The following RAB20 variants were observed in gnomAD, a reference collection of about 807,000 sequenced individuals.
The protein encoded by RAB20 is ras-related protein Rab-20.
RAB20 carries 2 observed loss-of-function variants against 3.7 expected under a neutral mutation model. The observed-to-expected ratio is 0.54, with a 90% CI of 0.22 to 1.69. The LOEUF (loss-of-function observed/expected upper bound fraction) is 1.69, where lower values mean the gene tolerates loss of function less well. Ranked by LOEUF, RAB20 falls within the 40% of genes most tolerant of loss-of-function variation. The pLI is 0.19. For synonymous variants in RAB20, 126 were observed against 130.8 expected (o/e 0.96, Z 0.25); for missense variants, 276 against 311.9 (o/e 0.88, Z 0.87).
intron 1 of RAB20, among the ~76,000 whole-genome samples, chr13:110,539,950 T>C (rs1035477412): frequency 6.6e-6 from 1 of 152,212 alleles, no homozygotes; most frequent in Non-Finnish European, 1.5e-5. Context: ...AAAGCAAGTG[T>C]CATACGCCAC....
intron 1 of RAB20, among the ~76,000 whole-genome samples, chr13:110,559,916 C>A (rs1280955573): frequency 6.6e-6 from 1 of 152,170 alleles, no homozygotes; most frequent in African/African-American, 2.4e-5. Flanking sequence ...GTGGCCACTA[C>A]AGGGGTTTCG....
chr13:110,554,440 C>T (rs1222164887), intron 1 of RAB20, among the ~76,000 whole-genome samples: 2 of 152,190 alleles, frequency 1.3e-5, no homozygotes, highest in Middle Eastern at 3.2e-3. Flanking sequence ...TGGGGGCTCG[C>T]GGTCCTCTGA....
chr13:110,560,114 C>G (rs1010832978), intron 1 of RAB20, among the ~76,000 whole-genome samples: 6 of 152,166 alleles, frequency 3.9e-5, no homozygotes, highest in African/African-American at 7.2e-5. Flanking sequence ...ACTTCTAGAG[C>G]GTGTGTTCCA....
chr13:110,539,557 GTTTT>G (rs1338719384), intron 1 of RAB20, among the ~76,000 whole-genome samples: 8 of 126,936 alleles, frequency 6.3e-5, no homozygotes, highest in Admixed American at 1.5e-4. Context: ...TTGTTTTTGG[GTTTT>G]TTGTTTTTTT....
chr13:110,560,532 C>G (rs553545179), intron 1 of RAB20, among the ~76,000 whole-genome samples: 1 of 152,274 alleles, frequency 6.6e-6, no homozygotes, highest in East Asian at 1.9e-4. Flanking sequence ...AAAACTCACA[C>G]TCATTGAAAA....
chr13:110,561,617 CG>C lies in RAB20; in HGVS notation c.-99del, dbSNP rs576644241. The C allele has an allele frequency of 3.1e-4, 456 of 1,479,568 alleles. 1 individual carries two copies. The highest frequency in any genetic ancestry group is 2.5e-3 in the African/African-American group (169 of 67,970). 91.7% of individuals were successfully genotyped at this position (1,479,568 alleles called of 1,614,324 possible). A position where few individuals can be genotyped will look rare whatever the true frequency, so the allele number is the denominator to read the frequency against. On this transcript the variant is annotated 5_prime_UTR_variant, in exon 1 of 2. Coordinates refer to ENST00000267328, the MANE Select transcript of RAB20 (RefSeq NM_017817.3). ...CTGGAGGAGCGGACCCCGGACTCGCCGGGACCCGGATTCTCGTGAACGCTCC... is the reference window on the plus strand; with the variant it reads ...CTGGAGGAGCGGACCCCGGACTCGCCGGACCCGGATTCTCGTGAACGCTCC...
chr13:110,534,061 C>T (rs1382226075), intron 1 of RAB20, among the ~76,000 whole-genome samples: 1 of 152,176 alleles, frequency 6.6e-6, no homozygotes, highest in Non-Finnish European at 1.5e-5. Context: ...GCAGTTTGGT[C>T]CTGCACTAGC....
intron 1 of RAB20, among the ~76,000 whole-genome samples, chr13:110,556,308 G>C (rs1274693830): frequency 1.3e-5 from 2 of 152,216 alleles, no homozygotes; most frequent in Non-Finnish European, 2.9e-5. Context: ...GGTTCAGAGG[G>C]ATGCTGTGTA....
At chr13:110,530,439 T>C (rs188639242) in intron 1 of RAB20, among the ~76,000 whole-genome samples, 2 of 78,098 alleles carry the variant, frequency 2.6e-5, no homozygotes, top group South Asian at 4.9e-4. Flanking sequence ...CACAGGGCCC[T>C]AGGGAAGTAG....
At chr13:110,536,753 A>T (rs1408411103) in intron 1 of RAB20, among the ~76,000 whole-genome samples, 65 of 48,542 alleles carry the variant, frequency 1.3e-3, no homozygotes, top group Non-Finnish European at 1.7e-3. Context: ...TTTTATGTTT[A>T]TTTTACTTGT....
At position 110,561,526 on chromosome 13, in the gene RAB20, G is replaced by C; in HGVS notation, c.-7C>G. 5 of 1,560,014 alleles carry C rather than the reference G, an allele frequency of 3.2e-6. No individual in the cohort carries two copies. The highest frequency in any genetic ancestry group is 1.7e-4 in the Middle Eastern group (1 of 5,848). On this transcript the variant is annotated 5_prime_UTR_variant, in exon 1 of 2. Transcript: ENST00000267328. ...TGCTGTCGGGCTTCCTCATCTTCCCGTAAGAACCCCCAGCGCCCCCGCGCC... is the reference window on the plus strand; with the variant it reads ...TGCTGTCGGGCTTCCTCATCTTCCCCTAAGAACCCCCAGCGCCCCCGCGCC...
chr13:110,540,568 C>A (rs912703764), intron 1 of RAB20, among the ~76,000 whole-genome samples: 2 of 152,014 alleles, frequency 1.3e-5, no homozygotes, highest in Non-Finnish European at 2.9e-5. Flanking sequence ...CATGGTGAAA[C>A]CCTGTCTCTA....
intron 1 of RAB20, among the ~76,000 whole-genome samples, chr13:110,530,721 G>A (rs1338469840): frequency 5.5e-5 from 7 of 127,650 alleles, no homozygotes; most frequent in Admixed American, 1.6e-4. Flanking sequence ...CAGACACAGG[G>A]CCCTAGGGAA....
chr13:110,529,802 G>A (rs1451877956), intron 1 of RAB20, among the ~76,000 whole-genome samples: 1 of 152,190 alleles, frequency 6.6e-6, no homozygotes, highest in Non-Finnish European at 1.5e-5. Flanking sequence ...AGGCCAAGCA[G>A]ACGGGAGGAT....
chr13:110,524,001 C>G lies in RAB20; in HGVS notation c.369G>C (p.Leu123Phe). The G allele has an allele frequency of 1.2e-6, 2 of 1,614,166 alleles. No homozygotes were observed. The highest frequency in any genetic ancestry group is 1.3e-5 in the African/African-American group (1 of 75,056). Residue 123 changes from leucine to phenylalanine, a missense_variant, in exon 2 of 2, where the codon TTG becomes TTC. Leu to Phe is a conservative substitution (Grantham distance 22). Transcript: ENST00000267328. ...TGCACTCTTCCTTCTCCTGGCCCGCCAAGGCCCCCTCCTCAGTGAGGTCCA... is the reference window on the plus strand; with the variant it reads ...TGCACTCTTCCTTCTCCTGGCCCGCGAAGGCCCCCTCCTCAGTGAGGTCCA... ...NKVDLTEEGA[L>F]AGQEKEECSP...
At chr13:110,540,850 T>C (rs1459411258) in intron 1 of RAB20, among the ~76,000 whole-genome samples, 2 of 151,686 alleles carry the variant, frequency 1.3e-5, no homozygotes, top group Non-Finnish European at 2.9e-5. Context: ...TCACGCAAAA[T>C]AGTGTCTACA....
intron 1 of RAB20, among the ~76,000 whole-genome samples, chr13:110,530,710 G>A (rs1479487925): frequency 6.8e-4 from 44 of 64,320 alleles, no homozygotes; most frequent in Admixed American, 1.1e-3. Flanking sequence ...CCACCTCTAC[G>A]CAGACACAGG....
intron 1 of RAB20, among the ~76,000 whole-genome samples, chr13:110,545,881 G>C (rs1343634250): frequency 6.6e-6 from 1 of 152,112 alleles, no homozygotes; most frequent in Non-Finnish European, 1.5e-5. Flanking sequence ...GCCTTGCTGT[G>C]GGGGAAAATG....
At chr13:110,534,379 A>T (rs1884603526) in intron 1 of RAB20, among the ~76,000 whole-genome samples, 1 of 152,152 alleles carries the variant, frequency 6.6e-6, no homozygotes, top group African/African-American at 2.4e-5. Flanking sequence ...CTCTCCAGAG[A>T]GGCCTGTACA....
Sources: gnomAD v4.1 joint callset for allele counts (sites outside exome capture counted in the v4.1 genomes callset) on GRCh38, gnomAD v4.1.1 for gene constraint, MANE v1.5 for transcripts, NCBI Gene and HGNC (gene_info 2026-07-23, HGNC 2026-07-21) for gene names.